The following RBM4 variants were observed in gnomAD, a reference collection of about 807,000 sequenced individuals.
The protein encoded by RBM4 is RNA-binding protein 4.
A neutral mutation model predicts 29.5 loss-of-function variants in RBM4; 7 were observed. The observed-to-expected ratio is 0.24, with a 90% CI of 0.14 to 0.45. The LOEUF (loss-of-function observed/expected upper bound fraction) is 0.45. Among genes scored for constraint, RBM4 ranks in the 20% least tolerant of loss-of-function variants. The pLI is 1.00. For synonymous variants in RBM4, 220 were observed against 205.4 expected (o/e 1.07, Z -0.61); for missense variants, 387 against 502.3 (o/e 0.77, Z 2.19).
chr11:66,664,833 A>C (rs541006677), intron 2 of RBM4, among the ~76,000 whole-genome samples: 1 of 152,238 alleles, frequency 6.6e-6, no homozygotes, highest in African/African-American at 2.4e-5. Context: ...CAGTGGGCTT[A>C]AGTGACCTGC....
Position 66,639,831 on chromosome 11 carries a change from G to A in RBM4, c.120G>A (p.Val40=). The change falls in exon 2 of 4, where the codon GTG becomes GTA. Residue 40 remains valine (V), a synonymous_variant. Transcript: ENST00000310092. ...ECDIIKNYGF[V]HIEDKTAAED... Reference sequence around the variant, plus strand: ...ACATCATTAAGAATTACGGCTTTGTGCACATAGAAGACAAGACGGCAGCTG... The same window carrying A: ...ACATCATTAAGAATTACGGCTTTGTACACATAGAAGACAAGACGGCAGCTG... 6.2e-7 allele frequency: 1 copy of A among 1,614,052 alleles called. No individual in the cohort carries two copies. The highest frequency in any genetic ancestry group is 8.5e-7 in the Non-Finnish European group (1 of 1,180,030).
chr11:66,646,727 G>A (rs1383622041), downstream of RBM4, among the ~76,000 whole-genome samples: 1 of 152,180 alleles, frequency 6.6e-6, no homozygotes, highest in Non-Finnish European at 1.5e-5. Flanking sequence ...GTTTACAGAT[G>A]TAGGTCTTCT....
intron 2 of RBM4, among the ~76,000 whole-genome samples, chr11:66,658,320 G>A (rs1488524335): frequency 2.2e-5 from 3 of 137,256 alleles, no homozygotes. Context: ...GAGCCACTGT[G>A]CCTGGCCTAG....
chr11:66,665,358 G>C (rs1939187293), intron 2 of RBM4: 1 of 588,522 alleles, frequency 1.7e-6, no homozygotes, highest in African/African-American at 1.9e-5. Context: ...GGGCTGCTCA[G>C]AGGCTGAGAA....
Position 66,646,322 on chromosome 11 carries a change from T to C in RBM4, c.*304T>C. On this transcript the variant is annotated 3_prime_UTR_variant, in exon 4 of 4. Coordinates refer to ENST00000310092, the MANE Select transcript of RBM4 (RefSeq NM_002896.4). Reference sequence around the variant, plus strand: ...GGTGGGGGCTGTGCTGTCTCCTCCCTGCCTCCTGCCTCCTGCGGCTGTTGG... The same window carrying C: ...GGTGGGGGCTGTGCTGTCTCCTCCCCGCCTCCTGCCTCCTGCGGCTGTTGG... 9 of 1,280,140 alleles carry C rather than the reference T, an allele frequency of 7.0e-6. No homozygotes were observed. Among genetic ancestry groups the C allele is most frequent in the Non-Finnish European group, 8.9e-6 (9 of 1,008,510 alleles). The allele number at this position is 1,280,140 out of a possible 1,614,324, so 79.3% of individuals were successfully genotyped here.
chr11:66,643,238 T>C lies in RBM4; in HGVS notation c.413-212T>C, dbSNP rs1938543593. ...TTAAACTGTTGTTATAGCTGAAATATTTCTTCATCTAAGTGGTCTTTTCCT... is the reference window on the plus strand; with the variant it reads ...TTAAACTGTTGTTATAGCTGAAATACTTCTTCATCTAAGTGGTCTTTTCCT... On this transcript the variant is annotated intron_variant, in intron 2 of 3. Transcript: ENST00000310092. The surrounding 1 kb of genome is among the most constrained non-coding windows in gnomAD (Gnocchi z 6.1). Among the ~76,000 whole-genome samples, 1 of 152,244 alleles carries C rather than the reference T, an allele frequency of 6.6e-6. No homozygotes were observed. The highest frequency in any genetic ancestry group is 1.5e-5 in the Non-Finnish European group (1 of 68,044).
intron 2 of RBM4, among the ~76,000 whole-genome samples, chr11:66,655,388 C>T (rs1296384074): frequency 6.6e-6 from 1 of 151,898 alleles, no homozygotes; most frequent in Non-Finnish European, 1.5e-5. Flanking sequence ...CTCCCAGTCT[C>T]AGTTGGTCCT....
At chr11:66,640,166 G>GTGC in intron 2 of RBM4, 43 bp downstream of exon 2, 1 of 1,610,270 alleles carries the variant, frequency 6.2e-7, no homozygotes, top group South Asian at 1.1e-5. Context: ...ACAAGGCTGT[G>GTGC]TGCAGAAAAT....
At chr11:66,644,898 A>G (rs565786171) in intron 3 of RBM4, among the ~76,000 whole-genome samples, 12 of 150,788 alleles carry the variant, frequency 8.0e-5, no homozygotes, top group African/African-American at 2.4e-4. Context: ...AGTCTGTCCT[A>G]TAACAGCCCA....
intron 2 of RBM4, among the ~76,000 whole-genome samples, chr11:66,641,446 T>A (rs946668584): frequency 1.3e-5 from 2 of 152,160 alleles, no homozygotes; most frequent in African/African-American, 4.8e-5. Context: ...TTTGCTTTCT[T>A]TTTTTTAATT....
chr11:66,665,867 CCT>C lies in RBM4; in HGVS notation c.425_426del (p.Pro142ArgfsTer9), dbSNP rs1468989651. The C allele has an allele frequency of 2.5e-5, 39 of 1,532,798 alleles. No homozygotes were observed. Among genetic ancestry groups the C allele is most frequent in the Non-Finnish European group, 3.1e-5 (35 of 1,145,954 alleles). The allele number at this position is 1,532,798 out of a possible 1,614,324, so 94.9% of individuals were successfully genotyped here. A position where few individuals can be genotyped will look rare whatever the true frequency, so the allele number is the denominator to read the frequency against. Reference sequence around the variant, plus strand: ...TATCCATCTTTTAGGCAAGATAACCCCTGTGACAGAAGGCTACTGTTGCTGTA... The same window carrying C: ...TATCCATCTTTTAGGCAAGATAACCCGTGACAGAAGGCTACTGTTGCTGTA... On this transcript the variant is annotated frameshift_variant, in exon 3 of 3. Coordinates refer to the RBM4 transcript ENST00000396053. LOFTEE classifies it low-confidence loss of function (END_TRUNC).
intron 2 of RBM4, among the ~76,000 whole-genome samples, chr11:66,660,654 T>A (rs1413616900): frequency 2.7e-5 from 4 of 148,102 alleles, no homozygotes; most frequent in Non-Finnish European, 4.5e-5. Context: ...CTAAACTTTT[T>A]TTTTTTTTTT....
chr11:66,652,042 TTAAAA>T (rs1250095877), intron 2 of RBM4, among the ~76,000 whole-genome samples: 4 of 152,164 alleles, frequency 2.6e-5, no homozygotes, highest in Non-Finnish European at 2.9e-5. Flanking sequence ...GCTCTGAATA[TTAAAA>T]TAATAATCTG....
intron 1 of RBM4, 190 bp downstream of exon 1, chr11:66,638,942 T>C (rs544314550): frequency 1.3e-5 from 2 of 152,136 alleles, no homozygotes; most frequent in Non-Finnish European, 1.5e-5. Flanking sequence ...AATACCTTGC[T>C]TTTTTTCGCC....
At chr11:66,661,925 G>A (rs2098424555) in intron 2 of RBM4, among the ~76,000 whole-genome samples, 1 of 152,190 alleles carries the variant, frequency 6.6e-6, no homozygotes, top group African/African-American at 2.4e-5. Context: ...AGCTACTGGG[G>A]AGGTTGAGAC....
intron 2 of RBM4, among the ~76,000 whole-genome samples, chr11:66,657,640 G>A (rs1356320171): frequency 1.5e-5 from 2 of 131,720 alleles, no homozygotes; most frequent in South Asian, 4.9e-4. Flanking sequence ...ATGAGATAGC[G>A]CCACTGCACT....
rs1040029458 is a variant in RBM4, at chr11:66,656,465, C to T, written c.413-9391C>T. On this transcript the variant is annotated intron_variant, in intron 2 of 2. Coordinates refer to the RBM4 transcript ENST00000396053. ...TAATTTTCTATTTTTTTAGTAGAGA[C>T]GGGGATTCTCCATGTCAGTCAGACT... Among the ~76,000 whole-genome samples, 14 of 151,898 alleles carry T rather than the reference C, an allele frequency of 9.2e-5. No individual in the cohort carries two copies. In the East Asian group the frequency reaches 2.5e-3, roughly 27 times the overall value.
At chr11:66,661,207 G>A (rs768682701) in intron 2 of RBM4, among the ~76,000 whole-genome samples, 5 of 152,198 alleles carry the variant, frequency 3.3e-5, no homozygotes, top group East Asian at 1.9e-4. Flanking sequence ...CAGCGGCAGA[G>A]CCTAGCTCTG....
At chr11:66,648,243 G>C (rs528792369), downstream of RBM4, among the ~76,000 whole-genome samples, 95 of 151,826 alleles carry the variant, frequency 6.3e-4, no homozygotes, top group African/African-American at 2.3e-3. Context: ...TCCTTGGCCA[G>C]GTGCAGTGAC....
Sources: allele counts gnomAD v4.1 joint callset (sites outside exome capture counted in the v4.1 genomes callset), GRCh38; gene constraint gnomAD v4.1.1; non-coding constraint Gnocchi (gnomAD v3.1); transcripts MANE v1.5; gene names NCBI Gene and HGNC (gene_info 2026-07-23, HGNC 2026-07-21).